TMEM87A: variants seen among roughly 807,000 people sequenced by gnomAD.
TMEM87A encodes Golgi-pH regulating cation channel.
A neutral mutation model predicts 90.0 loss-of-function variants in TMEM87A; 50 were observed. The observed-to-expected ratio is 0.56, with a 90% CI of 0.44 to 0.70. The LOEUF is 0.70. Among genes scored for constraint, TMEM87A ranks in the 30% least tolerant of loss-of-function variants. The pLI, the probability that TMEM87A is intolerant of heterozygous loss-of-function variation, is 0.00. For missense variants in TMEM87A, 577 were observed against 660.5 expected (o/e 0.87, Z 1.39); for synonymous variants, 226 against 226.7 (o/e 1.00, Z 0.03).
At chr15:42,235,827 T>C (rs1047174826) in intron 10 of TMEM87A, among the ~76,000 whole-genome samples, 6 of 152,226 alleles carry the variant, frequency 3.9e-5, no homozygotes, top group African/African-American at 1.4e-4. Context: ...ATTTTGTCTT[T>C]GTCCCCTCCC....
intron 6 of TMEM87A, chr15:42,258,045 G>A (rs2051216180): frequency 1.0e-6 from 1 of 972,786 alleles, no homozygotes; most frequent in South Asian, 4.8e-5. Flanking sequence ...AGCAAATGTA[G>A]TTAAAATATT....
chr15:42,237,022 T>G (rs911798606), intron 9 of TMEM87A, among the ~76,000 whole-genome samples: 4 of 152,248 alleles, frequency 2.6e-5, no homozygotes, highest in Non-Finnish European at 5.9e-5. Context: ...GATATGACTA[T>G]ATTTTATCAG....
At position 42,210,526 on chromosome 15, in the gene TMEM87A, C is replaced by T. The variant is rs771810932; in HGVS notation, c.*1182G>A. 2 of 152,088 alleles carry T rather than the reference C, an allele frequency of 1.3e-5. No homozygotes were observed. The highest frequency in any genetic ancestry group is 6.6e-5 in the Admixed American group (1 of 15,264). 9.4% of individuals were successfully genotyped at this position (152,088 alleles called of 1,614,324 possible). The stretch of plus-strand genomic sequence containing the variant: ...AAGTTTGAAAAAAATGAGAAAAATA[C>T]ATTAATTTTGTTAAATTTTTTTATA... On this transcript the variant is annotated 3_prime_UTR_variant, in exon 20 of 20. Transcript: ENST00000389834.
rs117098738 is a variant in TMEM87A, at chr15:42,241,079, T to C, written c.623-1348A>G. Among the ~76,000 whole-genome samples the C allele has an allele frequency of 4.7e-4, 72 of 152,322 alleles. 1 individual carries two copies. In the East Asian group the frequency reaches 0.013, roughly 28 times the overall value. ...GCTGCCTCTGCACCACCTCGCAGAGTTGGGTAGTTATAATAGAGAAAAAAT... is the reference window on the plus strand; with the variant it reads ...GCTGCCTCTGCACCACCTCGCAGAGCTGGGTAGTTATAATAGAGAAAAAAT... On this transcript the variant is annotated intron_variant, in intron 7 of 19. Coordinates refer to ENST00000389834, the MANE Select transcript of TMEM87A (RefSeq NM_015497.5).
intron 19 of TMEM87A, among the ~76,000 whole-genome samples, chr15:42,214,661 C>T (rs1452395852): frequency 6.6e-6 from 1 of 152,126 alleles, no homozygotes; most frequent in African/African-American, 2.4e-5. Flanking sequence ...CTTCACTATA[C>T]ACAAAAATCA....
chr15:42,223,131 G>A (rs1174362609), intron 15 of TMEM87A, among the ~76,000 whole-genome samples: 2 of 152,142 alleles, frequency 1.3e-5, no homozygotes, highest in Admixed American at 6.5e-5. Flanking sequence ...GGTGGCTCAC[G>A]CCTGTAATCC....
intron 13 of TMEM87A, 82 bp downstream of exon 13, chr15:42,228,630 G>T: frequency 8.8e-7 from 1 of 1,135,710 alleles, no homozygotes; most frequent in Non-Finnish European, 1.3e-6. Context: ...AACTTTCTAT[G>T]TCCACCCATG....
chr15:42,262,192 C>T (rs1405227248), intron 4 of TMEM87A: 1 of 152,170 alleles, frequency 6.6e-6, no homozygotes, highest in Non-Finnish European at 1.5e-5. Context: ...CCAGATGCAT[C>T]AGGTAGCTTT....
At position 42,233,170 on chromosome 15, in the gene TMEM87A, A is replaced by G. The variant is rs1414611438; in HGVS notation, c.1062+43T>C. On this transcript the variant is annotated intron_variant, in intron 11 of 19. Coordinates refer to ENST00000389834, the MANE Select transcript of TMEM87A (RefSeq NM_015497.5). ...TCCACACTGTCAAGATGTAAACAAT[A>G]TAATTGAACTGACCACAGAAAATGA... is the stretch of plus-strand genomic sequence containing the variant. 5.3e-6 allele frequency: 8 copies of G among 1,507,734 alleles called. No homozygotes were observed. The East Asian group carries it at 1.6e-4, about 30-fold the overall frequency. The allele number at this position is 1,507,734 out of a possible 1,614,324, so 93.4% of individuals were successfully genotyped here.
chr15:42,236,692 C>T (rs2050777374), intron 9 of TMEM87A, among the ~76,000 whole-genome samples: 1 of 152,180 alleles, frequency 6.6e-6, no homozygotes, highest in African/African-American at 2.4e-5. Context: ...ATACCTCACC[C>T]TATATGGACA....
At chr15:42,217,944 C>T in intron 18 of TMEM87A, 111 bp from the exon 19 acceptor site, 1 of 1,069,240 alleles carries the variant, frequency 9.4e-7, no homozygotes, top group Non-Finnish European at 1.3e-6. Context: ...CTAAGATTTG[C>T]ATTTTATTAA....
chr15:42,225,635 G>A (rs1204382091), intron 15 of TMEM87A, among the ~76,000 whole-genome samples: 1 of 152,120 alleles, frequency 6.6e-6, no homozygotes, highest in East Asian at 1.9e-4. Flanking sequence ...GGGTTCAAGC[G>A]ATTCTTGTGC....
intron 6 of TMEM87A, among the ~76,000 whole-genome samples, chr15:42,245,676 C>T (rs1472379001): frequency 6.6e-6 from 1 of 151,860 alleles, no homozygotes; most frequent in Non-Finnish European, 1.5e-5. Flanking sequence ...AGGTGCATGA[C>T]ACCACACCCA....
At chr15:42,218,112 T>C in intron 18 of TMEM87A, 1 of 641,390 alleles carries the variant, frequency 1.6e-6, no homozygotes, top group Non-Finnish European at 2.7e-6. Flanking sequence ...ATCCCATTCA[T>C]TTTAAGATAT....
At chr15:42,251,924 G>A (rs773241319) in intron 6 of TMEM87A, among the ~76,000 whole-genome samples, 23 of 152,330 alleles carry the variant, frequency 1.5e-4, no homozygotes, top group Non-Finnish European at 2.9e-4. Context: ...CTTCCTGGCC[G>A]CTTTTTTACC....
At chr15:42,256,847 AG>A in intron 6 of TMEM87A, among the ~76,000 whole-genome samples, 1 of 152,054 alleles carries the variant, frequency 6.6e-6, no homozygotes, top group African/African-American at 2.4e-5. Context: ...TCTCCCAAGT[AG>A]CGGGGACTAC....
intron 7 of TMEM87A, among the ~76,000 whole-genome samples, chr15:42,242,817 GA>G (rs1485086512): frequency 1.3e-5 from 2 of 152,042 alleles, no homozygotes; most frequent in African/African-American, 4.8e-5. Context: ...ACTAGGAATA[GA>G]AAGGAACATC....
chr15:42,236,906 G>A (rs2050780636), intron 9 of TMEM87A, among the ~76,000 whole-genome samples: 2 of 152,174 alleles, frequency 1.3e-5, no homozygotes, highest in Middle Eastern at 3.4e-3. Context: ...TAAATTAAAT[G>A]GTCTGACAAG....
chr15:42,261,487 T>C (rs2051290557), intron 4 of TMEM87A, among the ~76,000 whole-genome samples: 1 of 152,136 alleles, frequency 6.6e-6, no homozygotes, highest in African/African-American at 2.4e-5. Flanking sequence ...ATCAGAATAA[T>C]AAACATTTAA....
Sources: allele counts gnomAD v4.1 joint callset (sites outside exome capture counted in the v4.1 genomes callset), GRCh38; gene constraint gnomAD v4.1.1; transcripts MANE v1.5; gene names NCBI Gene and HGNC (gene_info 2026-07-23, HGNC 2026-07-21).